SOX5: variants seen among roughly 807,000 people sequenced by gnomAD.
The protein encoded by SOX5 is SRY-box transcription factor 5.
In SOX5, 9 loss-of-function variants were observed where a neutral mutation model predicts 92.0. That is an observed-to-expected ratio of 0.10 (90% CI 0.06 to 0.17). SOX5 has a LOEUF of 0.17. Ranked by LOEUF, SOX5 falls within the 10% of genes least tolerant of loss-of-function variation. The pLI is 1.00. For synonymous variants in SOX5, 344 were observed against 336.3 expected (o/e 1.02, Z -0.25); for missense variants, 642 against 944.5 (o/e 0.68, Z 4.20).
chr12:23,796,954 C>T (rs4346059), intron 3 of SOX5, among the ~76,000 whole-genome samples: 88,487 of 146,966 alleles, frequency 0.6, 26,717 homozygotes, highest in East Asian at 0.84. Flanking sequence ...CTCTGCTCCA[C>T]GCTACTGCAC....
chr12:24,026,788 T>C (rs11047215), intron 4 of SOX5, among the ~76,000 whole-genome samples: 7,666 of 151,978 alleles, frequency 0.05, 185 homozygotes, highest in East Asian at 0.07. Context: ...CTGAGGGAAT[T>C]GTGCACTGCC....
At chr12:24,263,527 C>CAAAAAAAAAAAAAAAAAAAAAA (rs386375915) in intron 3 of SOX5, among the ~76,000 whole-genome samples, 2 of 63,230 alleles carry the variant, frequency 3.2e-5, no homozygotes, top group Non-Finnish European at 5.5e-5. Flanking sequence ...GACTCCGTCT[C>CAAAAAAAAAAAAAAAAAAAAAA]AAAAAAAAAA....
intron 1 of SOX5, among the ~76,000 whole-genome samples, chr12:23,903,126 C>T (rs1490731286): frequency 1.3e-5 from 2 of 151,940 alleles, no homozygotes; most frequent in Admixed American, 1.3e-4. Context: ...ACTATGTGCC[C>T]GTTAGACAGC....
At chr12:24,010,887 C>A (rs143025500) in intron 4 of SOX5, among the ~76,000 whole-genome samples, 1 of 151,442 alleles carries the variant, frequency 6.6e-6, no homozygotes, top group Non-Finnish European at 1.5e-5. Context: ...TGCAGTGAGC[C>A]GAGATCATGC....
chr12:23,775,881 C>T (rs370556604), intron 3 of SOX5, among the ~76,000 whole-genome samples: 5 of 152,146 alleles, frequency 3.3e-5, no homozygotes, highest in South Asian at 2.1e-4. Flanking sequence ...TACCATCTAA[C>T]GCCACGGTCT....
At chr12:23,892,040 C>T (rs1168384055) in intron 2 of SOX5, among the ~76,000 whole-genome samples, 1 of 151,126 alleles carries the variant, frequency 6.6e-6, no homozygotes, top group Non-Finnish European at 1.5e-5. Context: ...ATGTTAGATC[C>T]CAGAAACATA....
rs1964940871 is a variant in SOX5, at chr12:24,415,928, C to A, written c.-250-47289G>T. ...GAATGACAGGAAAGGGGCTTAACAA[C>A]AAAACACAGGTTGTGCGTCAACACA... is the stretch of plus-strand genomic sequence containing the variant. On this transcript the variant is annotated intron_variant, in intron 1 of 4. Coordinates refer to the SOX5 transcript ENST00000446891. Among the ~76,000 whole-genome samples the A allele has an allele frequency of 2.0e-5, 3 of 152,288 alleles. No homozygotes were observed. The South Asian group carries it at 6.2e-4, about 32-fold the overall frequency.
chr12:23,781,107 T>C (rs2095269612), intron 3 of SOX5, among the ~76,000 whole-genome samples: 1 of 152,066 alleles, frequency 6.6e-6, no homozygotes, highest in Non-Finnish European at 1.5e-5. Context: ...GACGGTTAAA[T>C]GTTCTATGAA....
chr12:23,743,707 A>G (rs1368846216), intron 4 of SOX5, among the ~76,000 whole-genome samples: 1 of 152,224 alleles, frequency 6.6e-6, no homozygotes. Flanking sequence ...AAATCAGCAC[A>G]TACTCAACAC....
At chr12:24,288,553 T>TA (rs59412893) in intron 2 of SOX5, among the ~76,000 whole-genome samples, 18,270 of 152,092 alleles carry the variant, frequency 0.12, 2,164 homozygotes, top group African/African-American at 0.3. Context: ...AAATTGTTCA[T>TA]AAAATAATTT....
intron 6 of SOX5, among the ~76,000 whole-genome samples, chr12:23,722,013 A>C (rs2092844940): frequency 1.3e-5 from 2 of 152,230 alleles, no homozygotes; most frequent in Admixed American, 6.5e-5. Context: ...TACTGCATCT[A>C]CCTTGTTAGG....
At chr12:24,039,438 G>A (rs1308465900) in intron 4 of SOX5, among the ~76,000 whole-genome samples, 2 of 152,106 alleles carry the variant, frequency 1.3e-5, no homozygotes, top group Non-Finnish European at 2.9e-5. Context: ...TAGATGCAAA[G>A]GGCTGTTCTT....
intron 3 of SOX5, among the ~76,000 whole-genome samples, chr12:23,760,142 G>A (rs187380751): frequency 6.6e-6 from 1 of 152,060 alleles, no homozygotes; most frequent in South Asian, 2.1e-4. Flanking sequence ...TTAAAAATAA[G>A]TGTGAGTTAA....
At chr12:23,898,624 C>T (rs1595478722) in intron 1 of SOX5, among the ~76,000 whole-genome samples, 1 of 152,318 alleles carries the variant, frequency 6.6e-6, no homozygotes, top group East Asian at 1.9e-4. Flanking sequence ...CTGGTTATTT[C>T]AAAACCTAAA....
chr12:24,020,299 C>T (rs76396980), intron 4 of SOX5, among the ~76,000 whole-genome samples: 3 of 152,044 alleles, frequency 2.0e-5, no homozygotes. Context: ...TCCCTTTGAT[C>T]GTTACACCTG....
At chr12:24,407,864 G>T (rs909718793) in intron 1 of SOX5, among the ~76,000 whole-genome samples, 1 of 152,200 alleles carries the variant, frequency 6.6e-6, no homozygotes, top group African/African-American at 2.4e-5. Flanking sequence ...AAACGTAGTA[G>T]GGAATTTCGA....
At chr12:23,600,932 G>A (rs1282839580) in intron 9 of SOX5, among the ~76,000 whole-genome samples, 3 of 151,934 alleles carry the variant, frequency 2.0e-5, no homozygotes, top group Non-Finnish European at 4.4e-5. Context: ...CTGGTGCTGA[G>A]GACAGACAAA....
chr12:23,723,440 C>T (rs1460121735), intron 6 of SOX5, among the ~76,000 whole-genome samples: 1 of 151,848 alleles, frequency 6.6e-6, no homozygotes, highest in Non-Finnish European at 1.5e-5. Context: ...TCACGAGTGG[C>T]TATGTCAGAC....
At chr12:23,871,439 T>A (rs1169842275) in intron 2 of SOX5, among the ~76,000 whole-genome samples, 2 of 152,184 alleles carry the variant, frequency 1.3e-5, no homozygotes, top group East Asian at 3.8e-4. Flanking sequence ...GAAATGCCAA[T>A]TTCAGACCCA....
Sources: gnomAD v4.1 joint callset for allele counts (sites outside exome capture counted in the v4.1 genomes callset) on GRCh38, gnomAD v4.1.1 for gene constraint, MANE v1.5 for transcripts, NCBI Gene and HGNC (gene_info 2026-07-23, HGNC 2026-07-21) for gene names.